ZBTB20: variants seen among roughly 807,000 people sequenced by gnomAD.
ZBTB20 encodes zinc finger and BTB domain containing 20, also known as zinc finger and BTB domain-containing protein 20.
A neutral mutation model predicts 56.9 loss-of-function variants in ZBTB20; 9 were observed. The observed-to-expected ratio is 0.16, with a 90% CI of 0.10 to 0.28. ZBTB20 has a LOEUF of 0.28. ZBTB20 is among the 10% of genes least tolerant of loss of function. The pLI, the probability that ZBTB20 is intolerant of heterozygous loss-of-function variation, is 1.00. For missense variants in ZBTB20, 655 were observed against 1,003.0 expected (o/e 0.65, Z 4.69); for synonymous variants, 417 against 420.7 (o/e 0.99, Z 0.11).
At chr3:114,945,239 G>A (rs866631066) in intron 3 of ZBTB20, among the ~76,000 whole-genome samples, 3 of 144,852 alleles carry the variant, frequency 2.1e-5, no homozygotes, top group Admixed American at 6.7e-5. Flanking sequence ...ACAAAACTGC[G>A]GAAATATTTC....
chr3:114,475,634 GA>G (rs1034487662), intron 7 of ZBTB20, among the ~76,000 whole-genome samples: 11 of 151,892 alleles, frequency 7.2e-5, no homozygotes, highest in African/African-American at 2.7e-4. Context: ...AGCTAAAGAA[GA>G]AAAATAAAAA....
intron 5 of ZBTB20, among the ~76,000 whole-genome samples, chr3:114,719,193 G>A (rs185395593): frequency 6.9e-6 from 1 of 144,564 alleles, no homozygotes; most frequent in African/African-American, 2.5e-5. Flanking sequence ...GGTTGTGCAG[G>A]GGGGGGAAAT....
chr3:114,785,038 T>C (rs1317958317), intron 5 of ZBTB20, among the ~76,000 whole-genome samples: 1 of 152,184 alleles, frequency 6.6e-6, no homozygotes, highest in African/African-American at 2.4e-5. Context: ...CGGGTGGATG[T>C]AGGATTCAAA....
At chr3:114,519,805 C>T (rs2046427722) in intron 6 of ZBTB20, 1 of 152,160 alleles carries the variant, frequency 6.6e-6, no homozygotes, top group Admixed American at 6.5e-5. Flanking sequence ...ACCATACATT[C>T]TAGAAAACTG....
chr3:114,849,989 T>A (rs1232546953), intron 4 of ZBTB20, among the ~76,000 whole-genome samples: 1 of 139,018 alleles, frequency 7.2e-6, no homozygotes, highest in African/African-American at 2.7e-5. Context: ...AACCTCCACC[T>A]CCTGGATTCA....
intron 4 of ZBTB20, among the ~76,000 whole-genome samples, chr3:114,893,219 C>G (rs974574918): frequency 1.3e-5 from 2 of 152,082 alleles, no homozygotes; most frequent in Admixed American, 6.6e-5. Flanking sequence ...TACTCAGGTC[C>G]AAATGTGGGT....
chr3:114,659,570 C>A (rs2060603802), intron 6 of ZBTB20, among the ~76,000 whole-genome samples: 1 of 152,112 alleles, frequency 6.6e-6, no homozygotes, highest in Admixed American at 6.6e-5. Context: ...CTTCTGTGAA[C>A]CACGGCAAAT....
chr3:114,727,926 A>G (rs1299184809), intron 5 of ZBTB20, among the ~76,000 whole-genome samples: 1 of 152,308 alleles, frequency 6.6e-6, no homozygotes, highest in African/African-American at 2.4e-5. Flanking sequence ...GTTACAAAGG[A>G]TAAGAATTTG....
chr3:115,057,344 A>G (rs527379111), intron 2 of ZBTB20, among the ~76,000 whole-genome samples: 1 of 150,698 alleles, frequency 6.6e-6, no homozygotes, highest in South Asian at 2.1e-4. Context: ...CCTTACTGTT[A>G]TATCTCTTTA....
intron 3 of ZBTB20, among the ~76,000 whole-genome samples, chr3:114,965,694 T>C (rs1207573490): frequency 1.3e-5 from 2 of 152,124 alleles, no homozygotes; most frequent in Non-Finnish European, 2.9e-5. Flanking sequence ...CATGATAACA[T>C]CCATTCTGAC....
chr3:114,466,190 T>TA (rs1408940772), intron 7 of ZBTB20, among the ~76,000 whole-genome samples: 1 of 152,208 alleles, frequency 6.6e-6, no homozygotes, highest in Non-Finnish European at 1.5e-5. Context: ...ACACTATATA[T>TA]ATCCCATATA....
At chr3:115,050,681 G>A (rs189079539) in intron 2 of ZBTB20, among the ~76,000 whole-genome samples, 117 of 151,930 alleles carry the variant, frequency 7.7e-4, no homozygotes, top group African/African-American at 2.5e-3. Context: ...ACCATCTCAC[G>A]CATACAGGCA....
At chr3:114,626,429 G>T (rs2058663161) in intron 6 of ZBTB20, among the ~76,000 whole-genome samples, 1 of 151,996 alleles carries the variant, frequency 6.6e-6, no homozygotes, top group African/African-American at 2.4e-5. Flanking sequence ...TCAGTAAATT[G>T]CTTATTATTC....
intron 2 of ZBTB20, among the ~76,000 whole-genome samples, chr3:114,980,151 T>C (rs1400247560): frequency 6.6e-6 from 1 of 152,082 alleles, no homozygotes; most frequent in Admixed American, 6.6e-5. Flanking sequence ...CCCTTCCTTT[T>C]ATTATGTGAA....
intron 4 of ZBTB20, among the ~76,000 whole-genome samples, chr3:114,882,909 T>G (rs1321631444): frequency 1.3e-5 from 2 of 152,130 alleles, no homozygotes; most frequent in African/African-American, 4.8e-5. Flanking sequence ...GAAAGATTGT[T>G]CAGTGTAATG....
intron 5 of ZBTB20, among the ~76,000 whole-genome samples, chr3:114,742,711 G>A (rs1365284967): frequency 6.6e-6 from 1 of 152,126 alleles, no homozygotes; most frequent in Non-Finnish European, 1.5e-5. Flanking sequence ...TAAACACTAG[G>A]CCAGTGGTTT....
At chr3:114,514,385 T>C (rs985123514) in intron 6 of ZBTB20, among the ~76,000 whole-genome samples, 3 of 152,176 alleles carry the variant, frequency 2.0e-5, no homozygotes, top group African/African-American at 7.2e-5. Flanking sequence ...GAGGATGGTA[T>C]CTCACAGTGC....
chr3:115,130,980 T>G (rs765722317), intron 1 of ZBTB20, among the ~76,000 whole-genome samples: 3 of 152,124 alleles, frequency 2.0e-5, no homozygotes, highest in Admixed American at 2.0e-4. Context: ...AGGCTGGTCT[T>G]GAACTCCCGA....
chr3:115,145,255 TTTTC>T (rs370029867), intron 1 of ZBTB20, among the ~76,000 whole-genome samples: 28 of 152,330 alleles, frequency 1.8e-4, no homozygotes, highest in African/African-American at 6.0e-4. Context: ...ATGTAATTTT[TTTTC>T]TTTCACTAGA....
Sources: gnomAD v4.1 joint callset for allele counts (sites outside exome capture counted in the v4.1 genomes callset) on GRCh38, gnomAD v4.1.1 for gene constraint, MANE v1.5 for transcripts, NCBI Gene and HGNC (gene_info 2026-07-23, HGNC 2026-07-21) for gene names.